Variants in LPIN2 observed in about 807,000 individuals in gnomAD.
The protein encoded by LPIN2 is lipin 2.
A neutral mutation model predicts 111.4 loss-of-function variants in LPIN2; 55 were observed. That is an observed-to-expected ratio of 0.49 (90% CI 0.40 to 0.62). LPIN2 has a LOEUF of 0.62. Ranked by LOEUF, LPIN2 falls within the 20% of genes least tolerant of loss-of-function variation. LPIN2 has a pLI of 0.00. For missense variants in LPIN2, 992 were observed against 1,112.1 expected (o/e 0.89, Z 1.54); for synonymous variants, 425 against 414.0 (o/e 1.03, Z -0.32).
chr18:2,994,493 A>T (rs1197167206), intron 1 of LPIN2, among the ~76,000 whole-genome samples: 3 of 152,210 alleles, frequency 2.0e-5, no homozygotes, highest in African/African-American at 4.8e-5. Flanking sequence ...AAAATTTTTT[A>T]ATGATATATC....
In LPIN2 at chr18:2,925,106, C is replaced by T. The variant is rs1247839007; in HGVS notation, c.1938+118G>A. 9 of 1,339,674 alleles carry T rather than the reference C, an allele frequency of 6.7e-6. No individual in the cohort carries two copies. The highest frequency in any genetic ancestry group is 2.4e-5 in the East Asian group (1 of 42,442). 83.0% of individuals were successfully genotyped at this position (1,339,674 alleles called of 1,614,324 possible). On this transcript the variant is annotated intron_variant, in intron 14 of 19. Coordinates refer to ENST00000677752, the MANE Select transcript of LPIN2 (RefSeq NM_001375808.2). The surrounding 1 kb of genome is among the most constrained non-coding windows in gnomAD (Gnocchi z 4.1). The stretch of plus-strand genomic sequence containing the variant: ...GTTCCACTGTGGATAGGCATTGACA[C>T]GACCATGCCGTGTGGCGTGTATGCA...
intron 10 of LPIN2, 128 bp downstream of exon 10, chr18:2,928,937 C>T: frequency 4.2e-6 from 3 of 715,598 alleles, no homozygotes; most frequent in Middle Eastern, 3.9e-4. Context: ...AAAGTCATTG[C>T]CCACTGGCTA....
chr18:2,954,479 G>C (rs772629568), intron 3 of LPIN2, 25 bp downstream of exon 3: 42 of 1,543,116 alleles, frequency 2.7e-5, no homozygotes, highest in Non-Finnish European at 3.5e-5. Flanking sequence ...ACTGTGTAAG[G>C]AGGGTGTAAC....
chr18:2,919,674 C>T lies in LPIN2; in HGVS notation c.*619G>A, dbSNP rs2144106280. The T allele has an allele frequency of 6.3e-6, 1 of 159,058 alleles. No individual in the cohort carries two copies. 9.9% of individuals were successfully genotyped at this position (159,058 alleles called of 1,614,324 possible). ...GAGGATGCTCTGTGGGGATCTTTCC[C>T]CAAAGAGGGCCAGGTTTATGGGACT... On this transcript the variant is annotated 3_prime_UTR_variant, in exon 20 of 20. Coordinates refer to ENST00000677752, the MANE Select transcript of LPIN2 (RefSeq NM_001375808.2).
At chr18:3,005,533 C>G (rs939632540) in intron 1 of LPIN2, among the ~76,000 whole-genome samples, 1 of 151,906 alleles carries the variant, frequency 6.6e-6, no homozygotes, top group Non-Finnish European at 1.5e-5. Context: ...CAAAATTAAC[C>G]GGGGATGGTG....
intron 1 of LPIN2, among the ~76,000 whole-genome samples, chr18:2,984,557 A>G (rs1239261272): frequency 6.6e-6 from 1 of 152,084 alleles, no homozygotes; most frequent in Admixed American, 6.6e-5. Flanking sequence ...TAGGAGAAAG[A>G]GAGATTAAAG....
At chr18:2,960,930 T>C (rs2077702944) in intron 1 of LPIN2, 81 bp from the exon 2 acceptor site, 1 of 1,120,064 alleles carries the variant, frequency 8.9e-7, no homozygotes, top group African/African-American at 1.5e-5. Context: ...GTAACAAAAA[T>C]GACACTACTC....
intron 8 of LPIN2, 74 bp from the exon 9 acceptor site, chr18:2,931,517 T>G: frequency 2.7e-6 from 4 of 1,454,726 alleles, no homozygotes; most frequent in East Asian, 2.5e-5. Flanking sequence ...CATGGTTCTC[T>G]GGGGGCTCAA....
At chr18:2,963,602 G>A (rs750897439) in intron 1 of LPIN2, among the ~76,000 whole-genome samples, 8 of 151,928 alleles carry the variant, frequency 5.3e-5, no homozygotes, top group East Asian at 1.9e-4. Context: ...GAGCCATGCA[G>A]AAAGAAACAA....
chr18:2,941,066 C>G (rs543442296), intron 4 of LPIN2, among the ~76,000 whole-genome samples: 189 of 152,216 alleles, frequency 1.2e-3, no homozygotes, highest in African/African-American at 4.3e-3. Flanking sequence ...TTTAAGTAAT[C>G]AAGGATCCAG....
At chr18:2,940,004 A>G (rs926199703) in intron 5 of LPIN2, among the ~76,000 whole-genome samples, 2 of 152,218 alleles carry the variant, frequency 1.3e-5, no homozygotes, top group African/African-American at 4.8e-5. Context: ...TACAGCCAAC[A>G]GTTGACACTA....
chr18:2,921,858 C>A (rs951298373), intron 17 of LPIN2, among the ~76,000 whole-genome samples, 189 bp downstream of exon 17: 11 of 152,268 alleles, frequency 7.2e-5, no homozygotes, highest in Admixed American at 1.3e-4. Context: ...CTAGAACCTG[C>A]CTTTCTTCAC....
chr18:2,960,616 A>G, intron 2 of LPIN2, 33 bp downstream of exon 2: 1 of 1,604,018 alleles, frequency 6.2e-7, no homozygotes, highest in African/African-American at 1.3e-5. Context: ...TTTGAATCTC[A>G]GGATGACTTT....
chr18:2,995,633 A>G (rs1276206450), intron 1 of LPIN2, among the ~76,000 whole-genome samples: 1 of 152,248 alleles, frequency 6.6e-6, no homozygotes, highest in Non-Finnish European at 1.5e-5. Flanking sequence ...AATGAGTGTC[A>G]ATACCACATA....
At chr18:3,010,444 T>C (rs1033421771) in intron 1 of LPIN2, among the ~76,000 whole-genome samples, 5 of 152,058 alleles carry the variant, frequency 3.3e-5, no homozygotes, top group African/African-American at 1.2e-4. Context: ...AGGCAAATGG[T>C]AGGTCACGAG....
At chr18:2,945,419 TA>T (rs2077435641) in intron 4 of LPIN2, 4 of 619,876 alleles carry the variant, frequency 6.5e-6, no homozygotes, top group Non-Finnish European at 1.1e-5. Context: ...TTTAAGAACC[TA>T]ATGTTAACCC....
rs191101701 is a variant in LPIN2, at chr18:2,951,257, T to G, written c.388A>C (p.Thr130Pro). 1 of 1,614,012 alleles carries G rather than the reference T, an allele frequency of 6.2e-7. No individual in the cohort carries two copies. Among genetic ancestry groups the G allele is most frequent in the Admixed American group, 1.7e-5 (1 of 60,006 alleles). The change falls in exon 4 of 20, where the codon ACA becomes CCA. Residue 130 changes from threonine (T) to proline (P), a missense_variant. Physicochemically the swap from Thr to Pro is conservative, Grantham distance 38. Coordinates refer to ENST00000677752, the MANE Select transcript of LPIN2 (RefSeq NM_001375808.2). ...GAGATGTCTGAACTCTGAGATGGTG[T>G]TTCATCTCCACCCGATTTCACCAAA... ...TPLVKSGGDE[T>P]PSQSSDISHV... is the part of the protein sequence containing the mutation.
chr18:2,992,731 C>T (rs1163977051), intron 1 of LPIN2, among the ~76,000 whole-genome samples: 1 of 151,968 alleles, frequency 6.6e-6, no homozygotes, highest in Non-Finnish European at 1.5e-5. Flanking sequence ...TGCCTGTAAT[C>T]CCAGCACTTT....
intron 4 of LPIN2, chr18:2,950,414 C>T (rs2077516362): frequency 6.5e-6 from 1 of 152,774 alleles, no homozygotes; most frequent in African/African-American, 2.4e-5. Context: ...AGCTTCTTGT[C>T]CAGTCGTCAC....
Sources: gnomAD v4.1 joint callset for allele counts (sites outside exome capture counted in the v4.1 genomes callset) on GRCh38, gnomAD v4.1.1 for gene constraint, Gnocchi (gnomAD v3.1) non-coding constraint, MANE v1.5 for transcripts, NCBI Gene and HGNC (gene_info 2026-07-23, HGNC 2026-07-21) for gene names.